HS6ST2: variants seen among roughly 807,000 people sequenced by gnomAD.
HS6ST2 encodes the protein heparan sulfate 6-O-sulfotransferase 2, also known as heparan-sulfate 6-O-sulfotransferase 2.
In HS6ST2, 17 loss-of-function variants were observed where a neutral mutation model predicts 33.0. That is an observed-to-expected ratio of 0.52 (90% confidence interval 0.35 to 0.77). The LOEUF (loss-of-function observed/expected upper bound fraction) is 0.77, where lower values mean the gene tolerates loss of function less well. HS6ST2 is among the 30% of genes least tolerant of loss of function. The probability of loss-of-function intolerance (pLI) is 0.01; values close to 1 mark genes in which losing one functional copy is unlikely to be tolerated. For missense variants in HS6ST2, 519 were observed against 551.7 expected (o/e 0.94, Z 0.59); for synonymous variants, 248 against 237.1 (o/e 1.05, Z -0.42).
intron 2 of HS6ST2, among the ~76,000 whole-genome samples, chrX:132,948,060 TC>T (rs1424021763): frequency 3.6e-5 from 4 of 112,128 alleles, no homozygotes; most frequent in Non-Finnish European, 7.5e-5. Context: ...TGCTCTGTAT[TC>T]GCACAGAACA....
At chrX:132,769,199 T>A (rs1041984680) in intron 2 of HS6ST2, among the ~76,000 whole-genome samples, 1 of 112,270 alleles carries the variant, frequency 8.9e-6, no homozygotes, top group Non-Finnish European at 1.9e-5. Context: ...ATTAAACCCA[T>A]CAGGCAAAGA....
chrX:132,788,352 C>T (rs1325089934), intron 2 of HS6ST2, among the ~76,000 whole-genome samples: 4 of 111,512 alleles, frequency 3.6e-5, no homozygotes, highest in Middle Eastern at 4.6e-3. Flanking sequence ...TAATTACTTG[C>T]GGGCACCATA....
At chrX:132,637,842 T>TATA (rs2063564919) in intron 4 of HS6ST2, among the ~76,000 whole-genome samples, 1 of 40,803 alleles carries the variant, frequency 2.5e-5, no homozygotes, top group African/African-American at 5.1e-4. Flanking sequence ...ATATAATATT[T>TATA]TATATATAAT....
At chrX:132,906,522 C>T (rs1232240933) in intron 2 of HS6ST2, among the ~76,000 whole-genome samples, 3 of 111,143 alleles carry the variant, frequency 2.7e-5, no homozygotes, top group African/African-American at 9.8e-5. Flanking sequence ...TGAATATTTG[C>T]CCCTTCCAAT....
At chrX:132,860,777 CTTTTTTT>C (rs58059164) in intron 2 of HS6ST2, among the ~76,000 whole-genome samples, 3 of 52,895 alleles carry the variant, frequency 5.7e-5, no homozygotes, top group Non-Finnish European at 3.2e-5. Context: ...GCATGTGTAT[CTTTTTTT>C]TTTTTTTTTT....
Position 132,787,178 on chromosome X carries a change from TATATATATACATATATATATACAC to T in HS6ST2, c.948-78708_948-78685del, listed in dbSNP as rs1291668534. Among the ~76,000 whole-genome samples the T allele has an allele frequency of 7.4e-4, 60 of 80,958 alleles. 1 individual carries two copies. Among genetic ancestry groups the T allele is most frequent in the African/African-American group, 3.1e-3 (59 of 19,028 alleles). The allele number at this position is 80,958 out of a possible 115,157, so 70.3% of individuals were successfully genotyped here. ...GTGTATATATATATGTATATATATATATATATATACATATATATATACACATATATATATACACATATATATATA... is the reference window on the plus strand; with the variant it reads ...GTGTATATATATATGTATATATATATATATATATATACACATATATATATA... On this transcript the variant is annotated intron_variant, in intron 2 of 4. Transcript: ENST00000370833.
At chrX:132,645,217 G>T (rs1234202731) in intron 4 of HS6ST2, among the ~76,000 whole-genome samples, 1 of 112,476 alleles carries the variant, frequency 8.9e-6, no homozygotes, top group Non-Finnish European at 1.9e-5. Context: ...TTTTAAAGGG[G>T]CAGCCCCTAA....
At chrX:132,785,568 A>G (rs1165939856) in intron 2 of HS6ST2, among the ~76,000 whole-genome samples, 1 of 112,084 alleles carries the variant, frequency 8.9e-6, no homozygotes, top group East Asian at 2.8e-4. Flanking sequence ...CCAAAGGGAC[A>G]CACTAACATC....
intron 2 of HS6ST2, among the ~76,000 whole-genome samples, chrX:132,856,308 G>A (rs998206739): frequency 3.6e-5 from 4 of 111,804 alleles, no homozygotes; most frequent in East Asian, 2.8e-4. Context: ...TATTGTTGTC[G>A]TTGTTAATCT....
intron 2 of HS6ST2, among the ~76,000 whole-genome samples, chrX:132,724,093 G>A (rs779338137): frequency 6.3e-5 from 7 of 111,515 alleles, no homozygotes; most frequent in South Asian, 3.8e-4. Context: ...GGCTGAGATC[G>A]TGCCACTGCA....
In HS6ST2 at chrX:132,940,058, C is replaced by T. The variant is rs1464563019; in HGVS notation, c.947+16750G>A. On this transcript the variant is annotated intron_variant, in intron 2 of 4. Transcript: ENST00000370833. ...CCTGCTTTCAAAACTAGCTACAAAG[C>T]AACAGTAGTCAAGACTGTGTGTCAC... Among the ~76,000 whole-genome samples the T allele has an allele frequency of 4.5e-5, 5 of 112,042 alleles. No homozygotes were observed. The East Asian group carries it at 1.4e-3, about 31-fold the overall frequency.
intron 2 of HS6ST2, among the ~76,000 whole-genome samples, chrX:132,935,217 G>A (rs1348662186): frequency 4.5e-5 from 1 of 22,097 alleles, no homozygotes; most frequent in African/African-American, 1.9e-4. Context: ...AAAGATCAAT[G>A]GAGAAATAGA....
In HS6ST2 at chrX:132,926,247, G is replaced by A. The variant is rs1050271720; in HGVS notation, c.947+30561C>T. Reference sequence around the variant, plus strand: ...AAAATACAAGCATTTACTTTTTTCCGGTGTACACACTTCATGACAAGAAGG... The same window carrying A: ...AAAATACAAGCATTTACTTTTTTCCAGTGTACACACTTCATGACAAGAAGG... On this transcript the variant is annotated intron_variant, in intron 2 of 4. Transcript: ENST00000370833. Among the ~76,000 whole-genome samples the A allele has an allele frequency of 4.5e-5, 5 of 112,251 alleles. 1 individual carries two copies. Among genetic ancestry groups the A allele is most frequent in the South Asian group, 7.4e-4 (2 of 2,690 alleles).
intron 3 of HS6ST2, among the ~76,000 whole-genome samples, chrX:132,670,995 G>C (rs1033951389): frequency 2.7e-5 from 3 of 111,886 alleles, no homozygotes; most frequent in Admixed American, 9.4e-5. Context: ...TTCCTGCACA[G>C]TGCAGGGACC....
At chrX:132,936,650 T>C (rs1426845914) in intron 2 of HS6ST2, among the ~76,000 whole-genome samples, 2 of 111,157 alleles carry the variant, frequency 1.8e-5, no homozygotes, top group Non-Finnish European at 3.8e-5. Context: ...AGCTAAACAC[T>C]GAGTACACTT....
At chrX:132,775,387 A>G (rs1334556944) in intron 2 of HS6ST2, among the ~76,000 whole-genome samples, 1 of 110,804 alleles carries the variant, frequency 9.0e-6, no homozygotes, top group Non-Finnish European at 1.9e-5. Flanking sequence ...GTCAGCGATC[A>G]TATGGTTTGC....
intron 2 of HS6ST2, among the ~76,000 whole-genome samples, chrX:132,945,158 GA>G (rs1271515774): frequency 9.0e-6 from 1 of 111,617 alleles, no homozygotes; most frequent in Non-Finnish European, 1.9e-5. Flanking sequence ...AGATTTACAA[GA>G]AAAAAACAAA....
intron 2 of HS6ST2, among the ~76,000 whole-genome samples, chrX:132,811,699 T>TATATAC: frequency 1.2e-5 from 1 of 83,691 alleles, no homozygotes; most frequent in Admixed American, 1.3e-4. Flanking sequence ...TATATATATA[T>TATATAC]ATATATATAT....
intron 4 of HS6ST2, among the ~76,000 whole-genome samples, chrX:132,643,246 C>A (rs2063614876): frequency 9.1e-6 from 1 of 110,207 alleles, no homozygotes; most frequent in South Asian, 3.9e-4. Context: ...TTGTGCAAAA[C>A]GGGATCTTAC....
Sources: allele counts gnomAD v4.1 joint callset (sites outside exome capture counted in the v4.1 genomes callset), GRCh38; gene constraint gnomAD v4.1.1; transcripts MANE v1.5; gene names NCBI Gene and HGNC (gene_info 2026-07-23, HGNC 2026-07-21).